PDSS2: variants seen among roughly 807,000 people sequenced by gnomAD.
PDSS2 encodes all trans-polyprenyl-diphosphate synthase PDSS2.
In PDSS2, 31 loss-of-function variants were observed where a neutral mutation model predicts 44.5. That is an observed-to-expected ratio of 0.70 (90% confidence interval 0.52 to 0.94). The LOEUF is 0.94. Among genes scored for constraint, PDSS2 ranks in the 40% least tolerant of loss-of-function variants. The pLI is 0.00. For missense variants in PDSS2, 452 were observed against 482.2 expected, an observed-to-expected ratio of 0.94 and a Z score of 0.59; for synonymous variants, 157 against 180.3, an observed-to-expected ratio of 0.87 and a Z score of 1.03.
intron 3 of PDSS2, among the ~76,000 whole-genome samples, chr6:107,261,893 CT>C (rs150357803): frequency 2.0e-4 from 16 of 80,334 alleles, no homozygotes; most frequent in African/African-American, 9.0e-4. Flanking sequence ...TCAGGTATTT[CT>C]TTTCTTTCTT....
At position 107,380,472 on chromosome 6, in the gene PDSS2, G is replaced by A. The variant is rs1779422431; in HGVS notation, c.297-46140C>T. 2.0e-5 allele frequency among the ~76,000 whole-genome samples: 3 copies of A among 152,198 alleles called. No individual in the cohort carries two copies. In the South Asian group the frequency reaches 6.2e-4, roughly 32 times the overall value. ...CTTTGTTACTGAGAACACTCTGAGA[G>A]CACTTCAAAGTGGATCATTTTCCTT... On this transcript the variant is annotated intron_variant, in intron 1 of 7. Transcript: ENST00000369037.
intron 5 of PDSS2, 46 bp from the exon 6 acceptor site, chr6:107,210,616 C>A: frequency 7.8e-7 from 1 of 1,279,856 alleles, no homozygotes; most frequent in Non-Finnish European, 1.1e-6. Flanking sequence ...TGTATATACA[C>A]TAGTATGTTT....
intron 1 of PDSS2, among the ~76,000 whole-genome samples, chr6:107,456,130 G>C (rs865988425): frequency 9.9e-5 from 15 of 152,282 alleles, no homozygotes; most frequent in African/African-American, 3.4e-4. Flanking sequence ...AGACTAGCCT[G>C]GCCAATATGG....
intron 1 of PDSS2, among the ~76,000 whole-genome samples, chr6:107,457,316 C>T (rs993752926): frequency 1.3e-5 from 2 of 152,108 alleles, no homozygotes; most frequent in African/African-American, 4.8e-5. Flanking sequence ...AAAGATGTTA[C>T]CATTGGGAGA....
chr6:107,203,132 AG>A (rs1426215745), intron 6 of PDSS2, among the ~76,000 whole-genome samples: 1 of 152,204 alleles, frequency 6.6e-6, no homozygotes, highest in East Asian at 1.9e-4. Context: ...TCCAGCAGCA[AG>A]TTCCCAAGGC....
rs570170246 is a variant in PDSS2, at chr6:107,402,668, C to T, written c.296+56322G>A. Reference sequence around the variant, plus strand: ...AAGGCATGTCTTACATGGCAGCAGACAAACAACATGTACAGGGGAATTGCC... The same window carrying T: ...AAGGCATGTCTTACATGGCAGCAGATAAACAACATGTACAGGGGAATTGCC... On this transcript the variant is annotated intron_variant, in intron 1 of 7. Coordinates refer to ENST00000369037, the MANE Select transcript of PDSS2 (RefSeq NM_020381.4). 1.1e-4 allele frequency among the ~76,000 whole-genome samples: 17 copies of T among 150,416 alleles called. No homozygotes were observed. In the Middle Eastern group the frequency reaches 0.017, roughly 153 times the overall value.
intron 3 of PDSS2, 87 bp downstream of exon 3, chr6:107,273,942 A>T (rs1157519491): frequency 2.1e-6 from 2 of 967,782 alleles, no homozygotes; most frequent in Non-Finnish European, 3.3e-6. Context: ...GAGTTGGGGC[A>T]GCCGGGCACA....
At chr6:107,338,863 T>C (rs952303903) in intron 1 of PDSS2, among the ~76,000 whole-genome samples, 3 of 152,150 alleles carry the variant, frequency 2.0e-5, no homozygotes, top group South Asian at 2.1e-4. Flanking sequence ...GGGTTCCCTA[T>C]GTAGAGGAGA....
intron 1 of PDSS2, among the ~76,000 whole-genome samples, chr6:107,412,188 A>G (rs1043336893): frequency 6.9e-6 from 1 of 145,312 alleles, no homozygotes; most frequent in African/African-American, 2.5e-5. Flanking sequence ...GCGCCTGGCA[A>G]CTGTACTTCT....
At chr6:107,299,677 C>G (rs1468962809) in intron 2 of PDSS2, among the ~76,000 whole-genome samples, 1 of 152,172 alleles carries the variant, frequency 6.6e-6, no homozygotes, top group Non-Finnish European at 1.5e-5. Flanking sequence ...ATATTAATGC[C>G]CCATTGTATA....
intron 1 of PDSS2, among the ~76,000 whole-genome samples, chr6:107,455,385 T>A (rs1782004731): frequency 6.6e-6 from 1 of 151,816 alleles, no homozygotes; most frequent in Non-Finnish European, 1.5e-5. Flanking sequence ...ATACTCATAA[T>A]GCAATACTAC....
chr6:107,298,354 A>G (rs1348383205), intron 2 of PDSS2, among the ~76,000 whole-genome samples: 1 of 152,226 alleles, frequency 6.6e-6, no homozygotes, highest in Non-Finnish European at 1.5e-5. Context: ...TAAATAATCT[A>G]GTATAACAAC....
At chr6:107,295,976 A>G (rs1477515621) in intron 2 of PDSS2, among the ~76,000 whole-genome samples, 3 of 152,230 alleles carry the variant, frequency 2.0e-5, no homozygotes, top group African/African-American at 7.2e-5. Flanking sequence ...AAGTAAGGGT[A>G]TGTGAATTGC....
At chr6:107,357,736 A>AT (rs967357381) in intron 1 of PDSS2, among the ~76,000 whole-genome samples, 18 of 152,194 alleles carry the variant, frequency 1.2e-4, no homozygotes, top group South Asian at 8.3e-4. Flanking sequence ...TTCTCTGGCA[A>AT]TTTTTTACTG....
intron 2 of PDSS2, among the ~76,000 whole-genome samples, chr6:107,293,538 C>G (rs540421714): frequency 6.6e-6 from 1 of 152,104 alleles, no homozygotes; most frequent in Non-Finnish European, 1.5e-5. Context: ...CTGATAATTA[C>G]GAATTGTATC....
intron 4 of PDSS2, among the ~76,000 whole-genome samples, chr6:107,241,344 CTTTTTTT>C (rs58623641): frequency 6.4e-5 from 5 of 78,006 alleles, no homozygotes; most frequent in East Asian, 4.5e-4. Flanking sequence ...TCTTCTTCTT[CTTTTTTT>C]TTTTTTTTTT....
intron 6 of PDSS2, among the ~76,000 whole-genome samples, chr6:107,204,067 C>G (rs1772886231): frequency 1.3e-5 from 2 of 151,992 alleles, no homozygotes; most frequent in South Asian, 4.2e-4. Context: ...CTCAGCCTCC[C>G]AAGTAGCTGG....
intron 7 of PDSS2, among the ~76,000 whole-genome samples, chr6:107,185,287 T>C (rs1426364027): frequency 1.3e-5 from 2 of 152,174 alleles, no homozygotes; most frequent in Non-Finnish European, 2.9e-5. Context: ...GGCACAGTCC[T>C]AGGCACTGGT....
intron 2 of PDSS2, among the ~76,000 whole-genome samples, chr6:107,321,199 T>TTGAA (rs755828568): frequency 8.5e-5 from 13 of 152,120 alleles, no homozygotes; most frequent in South Asian, 4.1e-4. Context: ...TAAATGTTTG[T>TTGAA]TGAATGAATG....
Sources: allele counts gnomAD v4.1 joint callset (sites outside exome capture counted in the v4.1 genomes callset), GRCh38; gene constraint gnomAD v4.1.1; transcripts MANE v1.5; gene names NCBI Gene and HGNC (gene_info 2026-07-23, HGNC 2026-07-21).